PDS5B: variants seen among roughly 807,000 people sequenced by gnomAD.
PDS5B encodes PDS5 cohesin associated factor B, also known as sister chromatid cohesion protein PDS5 homolog B.
PDS5B carries 51 observed loss-of-function variants against 184.1 expected under a neutral mutation model. That is an observed-to-expected ratio of 0.28 (90% CI 0.22 to 0.35). The LOEUF is 0.35. Among genes scored for constraint, PDS5B ranks in the 10% least tolerant of loss-of-function variants. The pLI is 1.00. For synonymous variants in PDS5B, 566 were observed against 569.2 expected (o/e 0.99, Z 0.08); for missense variants, 1,180 against 1,723.3 (o/e 0.68, Z 5.58).
intron 1 of PDS5B, among the ~76,000 whole-genome samples, chr13:32,627,445 TA>T (rs2058386747): frequency 1.3e-5 from 2 of 152,212 alleles, no homozygotes; most frequent in Non-Finnish European, 2.9e-5. Flanking sequence ...AATGGTACTT[TA>T]AAAATATGTA....
chr13:32,732,073 T>C (rs1281679740), intron 19 of PDS5B, 28 bp from the exon 20 acceptor site: 1 of 1,571,804 alleles, frequency 6.4e-7, no homozygotes, highest in Non-Finnish European at 8.7e-7. Context: ...TTCTGGTTTA[T>C]TGTTTTTCTT....
chr13:32,642,457 A>G (rs1196607174), intron 1 of PDS5B, among the ~76,000 whole-genome samples: 1 of 152,134 alleles, frequency 6.6e-6, no homozygotes, highest in African/African-American at 2.4e-5. Flanking sequence ...GTAGGGGAGG[A>G]GCCTAGCTCT....
chr13:32,624,863 A>G (rs1378646857), intron 1 of PDS5B, among the ~76,000 whole-genome samples: 2 of 152,140 alleles, frequency 1.3e-5, no homozygotes, highest in Non-Finnish European at 2.9e-5. Flanking sequence ...TGCATCTCCA[A>G]GTGCATACTA....
At chr13:32,746,919 T>C (rs1015378614) in intron 24 of PDS5B, among the ~76,000 whole-genome samples, 2 of 152,238 alleles carry the variant, frequency 1.3e-5, no homozygotes, top group African/African-American at 4.8e-5. Context: ...TTCCTAAATA[T>C]AGAATCCACA....
At chr13:32,701,609 CACAG>C (rs1194860824) in intron 17 of PDS5B, among the ~76,000 whole-genome samples, 171 bp downstream of exon 17, 1 of 130,364 alleles carries the variant, frequency 7.7e-6, no homozygotes, top group Non-Finnish European at 1.5e-5. Flanking sequence ...CACACACACA[CACAG>C]ACACACACAT....
chr13:32,625,666 T>G (rs941705612), intron 1 of PDS5B, among the ~76,000 whole-genome samples: 1 of 152,108 alleles, frequency 6.6e-6, no homozygotes, highest in Non-Finnish European at 1.5e-5. Flanking sequence ...AAATCAGGTT[T>G]TAATTAAAGT....
chr13:32,748,624 A>C (rs1953849693), intron 24 of PDS5B, among the ~76,000 whole-genome samples: 2 of 152,132 alleles, frequency 1.3e-5, no homozygotes, highest in African/African-American at 4.8e-5. Flanking sequence ...TCAAGTGCTA[A>C]ACAGAAATTT....
intron 2 of PDS5B, 156 bp downstream of exon 2, chr13:32,649,036 G>A (rs1593332509): frequency 3.5e-6 from 2 of 572,390 alleles, no homozygotes; most frequent in South Asian, 4.0e-5. Context: ...AGTATATAAG[G>A]TACAGTGGGG....
intron 10 of PDS5B, among the ~76,000 whole-genome samples, chr13:32,679,909 G>GTGTGTGTCTGTGTGTC (rs1555301531): frequency 1.3e-5 from 2 of 149,390 alleles, no homozygotes; most frequent in Non-Finnish European, 3.0e-5. Context: ...GTGTGTGTGT[G>GTGTGTGTCTGTGTGTC]TGTGTGTCTG....
intron 1 of PDS5B, among the ~76,000 whole-genome samples, chr13:32,592,290 T>G (rs1258007001): frequency 6.6e-6 from 1 of 152,172 alleles, no homozygotes; most frequent in East Asian, 1.9e-4. Context: ...GTTTCGCACT[T>G]GTTGCACAGG....
chr13:32,613,277 A>T (rs2058169401), intron 1 of PDS5B, among the ~76,000 whole-genome samples: 2 of 152,210 alleles, frequency 1.3e-5, no homozygotes, highest in African/African-American at 2.4e-5. Context: ...GCTGGATCAC[A>T]TGGTAGTTCC....
chr13:32,652,123 G>T, intron 3 of PDS5B, 116 bp downstream of exon 3: 26 of 642,914 alleles, frequency 4.0e-5, no homozygotes, highest in East Asian at 1.2e-4. Context: ...ATTAGCTACA[G>T]TAATCTTTTG....
At chr13:32,691,838 G>A (rs557481138) in intron 13 of PDS5B, among the ~76,000 whole-genome samples, 1 of 151,938 alleles carries the variant, frequency 6.6e-6, no homozygotes, top group Non-Finnish European at 1.5e-5. Context: ...GGATTTCTAC[G>A]TCCTCCTGTG....
At chr13:32,680,399 G>C (rs1951206529) in intron 10 of PDS5B, among the ~76,000 whole-genome samples, 2 of 152,182 alleles carry the variant, frequency 1.3e-5, no homozygotes, top group African/African-American at 4.8e-5. Flanking sequence ...CCTTAGTTTA[G>C]ATACTTCCTC....
intron 11 of PDS5B, among the ~76,000 whole-genome samples, chr13:32,686,782 A>G (rs957383351): frequency 7.1e-6 from 1 of 139,930 alleles, no homozygotes; most frequent in Non-Finnish European, 1.5e-5. Flanking sequence ...TCCTGTCTCT[A>G]AAAATGCATG....
chr13:32,764,643 T>C (rs763918215), intron 31 of PDS5B, 49 bp downstream of exon 31: 1 of 1,015,642 alleles, frequency 9.8e-7, no homozygotes. Flanking sequence ...TAATTTTACT[T>C]AGTAATGTTT....
chr13:32,660,588 C>T (rs1022658149), intron 6 of PDS5B, among the ~76,000 whole-genome samples: 1 of 152,206 alleles, frequency 6.6e-6, no homozygotes, highest in Admixed American at 6.5e-5. Flanking sequence ...GACAAACCCT[C>T]CTAGACACAA....
At chr13:32,616,535 T>C (rs1219753324) in intron 1 of PDS5B, among the ~76,000 whole-genome samples, 2 of 152,210 alleles carry the variant, frequency 1.3e-5, no homozygotes, top group African/African-American at 4.8e-5. Flanking sequence ...GACATGTAGG[T>C]ATTTTCAGTA....
At chr13:32,707,292 G>A (rs576951951) in intron 18 of PDS5B, among the ~76,000 whole-genome samples, 6 of 152,004 alleles carry the variant, frequency 3.9e-5, no homozygotes, top group Non-Finnish European at 8.8e-5. Flanking sequence ...TGTCATTAGT[G>A]AGCAAAGAAG....
Sources: gnomAD v4.1 joint callset for allele counts (sites outside exome capture counted in the v4.1 genomes callset) on GRCh38, gnomAD v4.1.1 for gene constraint, MANE v1.5 for transcripts, NCBI Gene and HGNC (gene_info 2026-07-23, HGNC 2026-07-21) for gene names.